CEP68: variants seen among roughly 807,000 people sequenced by gnomAD.
CEP68 encodes the protein centrosomal protein 68.
In CEP68, 26 loss-of-function variants were observed where a neutral mutation model predicts 55.3. That is an observed-to-expected ratio of 0.47 (90% confidence interval 0.34 to 0.65). The LOEUF is 0.65. Among genes scored for constraint, CEP68 ranks in the 30% least tolerant of loss-of-function variants. CEP68 has a pLI of 0.01. For synonymous variants in CEP68, 402 were observed against 383.2 expected (o/e 1.05, Z -0.57); for missense variants, 957 against 946.7 (o/e 1.01, Z -0.14).
chr2:65,077,410 G>A (rs1676817000), intron 4 of CEP68, among the ~76,000 whole-genome samples: 1 of 152,206 alleles, frequency 6.6e-6, no homozygotes, highest in African/African-American at 2.4e-5. Context: ...TGTTGAGGTA[G>A]TTACCCCTGT....
chr2:65,075,912 C>G (rs1676736243), intron 4 of CEP68, among the ~76,000 whole-genome samples: 1 of 152,062 alleles, frequency 6.6e-6, no homozygotes, highest in South Asian at 2.1e-4. Context: ...CGTACTCCAG[C>G]TAGAGGAAGG....
rs1284371125 is a variant in CEP68 at position 65,071,963 on chromosome 2, C to G, written c.867C>G (p.His289Gln). 6.2e-7 allele frequency: 1 copy of G among 1,613,046 alleles called. No homozygotes were observed. The highest frequency in any genetic ancestry group is 8.5e-7 in the Non-Finnish European group (1 of 1,180,000). ...PDSLPPSPDR[H>Q]SPLWNPNKEY... is the part of the protein sequence containing the mutation. ...CCCTGCCTCCATCACCCGACCGCCA[C>G]TCCCCTCTCTGGAACCCAAATAAAG... is the stretch of plus-strand genomic sequence containing the variant. The change falls in exon 3 of 7, where the codon CAC becomes CAG. Residue 289 changes from histidine (H) to glutamine (Q), a missense_variant. His to Gln is a conservative substitution (Grantham distance 24). Transcript: ENST00000377990.
chr2:65,081,029 G>A (rs1012163388), intron 5 of CEP68, among the ~76,000 whole-genome samples: 1 of 151,994 alleles, frequency 6.6e-6, no homozygotes, highest in African/African-American at 2.4e-5. Flanking sequence ...TGGCCAGCAT[G>A]ACGAAACCCT....
intron 4 of CEP68, 127 bp downstream of exon 4, chr2:65,074,531 A>G: frequency 7.5e-7 from 1 of 1,333,234 alleles, no homozygotes; most frequent in Non-Finnish European, 1.1e-6. Context: ...TATACCTGAA[A>G]TCTAATTAGA....
rs146071290 is a variant in CEP68, at chr2:65,071,790, G to A, written c.694G>A (p.Val232Ile). ...GGTCTCCTCCTCCCTGGAGCCGGTCGTCCCCCAGGAACCTTCCTCTGTGGT... is the reference window on the plus strand; with the variant it reads ...GGTCTCCTCCTCCCTGGAGCCGGTCATCCCCCAGGAACCTTCCTCTGTGGT... ...AKVSSSLEPV[V>I]PQEPSSVVGL... The change falls in exon 3 of 7, where the codon GTC becomes ATC. Residue 232 changes from valine (V) to isoleucine (I), a missense_variant. Transcript: ENST00000377990. 28 of 1,610,578 alleles carry A rather than the reference G, an allele frequency of 1.7e-5. No homozygotes were observed. The Admixed American group carries it at 2.8e-4, about 16-fold the overall frequency.
chr2:65,064,404 G>A (rs1676057326), intron 1 of CEP68, among the ~76,000 whole-genome samples: 1 of 152,166 alleles, frequency 6.6e-6, no homozygotes, highest in Non-Finnish European at 1.5e-5. Context: ...TTAGTGAGAG[G>A]TGTGGGGAAT....
chr2:65,073,070 T>C, intron 3 of CEP68, 90 bp downstream of exon 3: 2 of 1,429,490 alleles, frequency 1.4e-6, no homozygotes, highest in Non-Finnish European at 2.0e-6. Context: ...ATGTTCATGT[T>C]GACCAGGCAC....
chr2:65,072,870 T>G lies in CEP68; in HGVS notation c.1774T>G (p.Ser592Ala), dbSNP rs745370664. The G allele has an allele frequency of 3.7e-5, 60 of 1,613,940 alleles. No individual in the cohort carries two copies. Among genetic ancestry groups the G allele is most frequent in the Non-Finnish European group, 5.0e-5 (59 of 1,180,012 alleles). Residue 592 changes from serine (S) to alanine (A), a missense_variant, in exon 3 of 7, where the codon TCC (serine) becomes GCC (alanine). Physicochemically the swap from Ser to Ala is moderately conservative, Grantham distance 99. Transcript: ENST00000377990. Reference sequence around the variant, plus strand: ...CTCTGGACTGCTGAAAACACGCCCCTCCTTGCCAGCTAGGTTGGACCGGTG... The same window carrying G: ...CTCTGGACTGCTGAAAACACGCCCCGCCTTGCCAGCTAGGTTGGACCGGTG... ...VSSGLLKTRP[S>A]LPARLDRWPF... is the part of the protein sequence containing the mutation.
chr2:65,071,780 G>T lies in CEP68; in HGVS notation c.684G>T (p.Leu228=), dbSNP rs1676475989. The change falls in exon 3 of 7, where the codon CTG becomes CTT. Residue 228 remains leucine, a synonymous_variant. Coordinates refer to ENST00000377990, the MANE Select transcript of CEP68 (RefSeq NM_015147.3). ...GGSLAKVSSS[L]EPVVPQEPSS... is the part of the protein sequence containing the mutation. The stretch of plus-strand genomic sequence containing the variant: ...CTCTGGCCAAGGTCTCCTCCTCCCT[G>T]GAGCCGGTCGTCCCCCAGGAACCTT... The T allele has an allele frequency of 6.2e-7, 1 of 1,611,724 alleles. No individual in the cohort carries two copies. The highest frequency in any genetic ancestry group is 8.5e-7 in the Non-Finnish European group (1 of 1,178,438).
chr2:65,078,707 A>G (rs1267164894), intron 5 of CEP68, among the ~76,000 whole-genome samples: 1 of 151,690 alleles, frequency 6.6e-6, no homozygotes, highest in Admixed American at 6.6e-5. Context: ...ATGCCCGGCT[A>G]TTTTTTTTGT....
In CEP68 at chr2:65,086,643, G is replaced by A. The variant is rs114292791; in HGVS notation, c.*3009G>A. ...TTTACTGTGTAAAAATGAAGTGCAC[G>A]GCATGGCATCACAGTATCTTGACAT... On this transcript the variant is annotated 3_prime_UTR_variant, in exon 7 of 7. Coordinates refer to ENST00000377990, the MANE Select transcript of CEP68 (RefSeq NM_015147.3). The A allele has an allele frequency of 7.6e-4, 116 of 152,294 alleles. No individual in the cohort carries two copies. Among genetic ancestry groups the A allele is most frequent in the African/African-American group, 2.6e-3 (106 of 41,528 alleles). 9.4% of individuals were successfully genotyped at this position (152,294 alleles called of 1,614,324 possible).
At chr2:65,059,063 T>C (rs1270691473) in intron 1 of CEP68, among the ~76,000 whole-genome samples, 2 of 152,178 alleles carry the variant, frequency 1.3e-5, no homozygotes, top group South Asian at 2.1e-4. Flanking sequence ...AAAAAATCTT[T>C]ACCTGGTTGA....
chr2:65,081,211 C>CAAA (rs3052193), intron 5 of CEP68, among the ~76,000 whole-genome samples: 1 of 142,966 alleles, frequency 7.0e-6, no homozygotes, highest in African/African-American at 2.6e-5. Context: ...GACTCCATCT[C>CAAA]AAAAAAAAAA....
At chr2:65,057,771 A>G (rs1182332175) in intron 1 of CEP68, among the ~76,000 whole-genome samples, 11 of 152,228 alleles carry the variant, frequency 7.2e-5, no homozygotes, top group Admixed American at 7.2e-4. Flanking sequence ...AGCTAAGCTC[A>G]GGCTCTCTAA....
chr2:65,076,369 A>C, intron 4 of CEP68, among the ~76,000 whole-genome samples: 1 of 152,158 alleles, frequency 6.6e-6, no homozygotes, highest in East Asian at 1.9e-4. Context: ...GCTAGACGGA[A>C]ACAACCAGCT....
At position 65,085,770 on chromosome 2, in the gene CEP68, C is replaced by G. The variant is rs1053663177; in HGVS notation, c.*2136C>G. On this transcript the variant is annotated 3_prime_UTR_variant, in exon 7 of 7. Coordinates refer to ENST00000377990, the MANE Select transcript of CEP68 (RefSeq NM_015147.3). ...AGCTTGCAGTGAGCTGAGATGGCAC[C>G]ACTGCACTCCAGCCTGGGCAACAGA... 1.3e-5 allele frequency: 2 copies of G among 152,034 alleles called. No homozygotes were observed. Among genetic ancestry groups the G allele is most frequent in the African/African-American group, 4.8e-5 (2 of 41,366 alleles). The allele number at this position is 152,034 out of a possible 1,614,324, so 9.4% of individuals were successfully genotyped here.
chr2:65,071,047 G>A lies in CEP68; in HGVS notation c.358-407G>A, dbSNP rs552669807. On this transcript the variant is annotated intron_variant, in intron 2 of 6. Transcript: ENST00000377990. ...CACTGGCGTGTGAACTGAGCAGGAT[G>A]GGGTCTGGGGCGACCTCCTGGGTTT... 1.1e-4 allele frequency: 23 copies of A among 208,742 alleles called. No individual in the cohort carries two copies. The South Asian group carries it at 1.4e-3, about 12-fold the overall frequency. The allele number at this position is 208,742 out of a possible 1,614,324, so 12.9% of individuals were successfully genotyped here.
intron 1 of CEP68, among the ~76,000 whole-genome samples, chr2:65,062,152 C>T (rs577973200): frequency 1.4e-4 from 22 of 152,300 alleles, no homozygotes; most frequent in Non-Finnish European, 2.8e-4. Context: ...GGTGACTGTG[C>T]GCTCAGGTAA....
chr2:65,082,798 ATTAT>A (rs1490787312), intron 6 of CEP68, 89 bp downstream of exon 6: 1 of 1,122,254 alleles, frequency 8.9e-7, no homozygotes. Flanking sequence ...GCCAAGAACT[ATTAT>A]TTAAACAAAT....
Sources: allele counts gnomAD v4.1 joint callset (sites outside exome capture counted in the v4.1 genomes callset), GRCh38; gene constraint gnomAD v4.1.1; transcripts MANE v1.5; gene names NCBI Gene and HGNC (gene_info 2026-07-23, HGNC 2026-07-21).